RALGAPB: variants seen among roughly 807,000 people sequenced by gnomAD.
The protein encoded by RALGAPB is Ral GTPase activating protein non-catalytic subunit beta.
In RALGAPB, 25 loss-of-function variants were observed where a neutral mutation model predicts 161.1. The observed-to-expected ratio is 0.16, with a 90% CI of 0.11 to 0.22. The LOEUF is 0.22. Ranked by LOEUF, RALGAPB falls within the 10% of genes least tolerant of loss-of-function variation. The pLI, the probability that RALGAPB is intolerant of heterozygous loss-of-function variation, is 1.00. For synonymous variants in RALGAPB, 629 were observed against 626.1 expected (o/e 1.00, Z -0.07); for missense variants, 1,391 against 1,815.2 (o/e 0.77, Z 4.25).
At chr20:38,508,844 A>G (rs966846985) in intron 5 of RALGAPB, among the ~76,000 whole-genome samples, 7 of 152,198 alleles carry the variant, frequency 4.6e-5, no homozygotes, top group African/African-American at 1.4e-4. Context: ...TGATATATAT[A>G]TAAAAAATGT....
intron 6 of RALGAPB, among the ~76,000 whole-genome samples, chr20:38,513,483 G>GT (rs1359005600): frequency 6.6e-6 from 1 of 150,538 alleles, no homozygotes; most frequent in African/African-American, 2.4e-5. Flanking sequence ...GTGGGGGGTG[G>GT]GGGGGAAGCA....
Position 38,541,016 on chromosome 20 carries a change from A to G in RALGAPB, c.2563-25A>G, listed in dbSNP as rs774827555. 2.7e-5 allele frequency: 43 copies of G among 1,608,518 alleles called. 1 individual carries two copies. The South Asian group carries it at 4.4e-4, about 17-fold the overall frequency. ...CTCATGAGAAAGGTGTGTTCTAAAA[A>G]TTGATCTGCCTTTCCTGCTTTTAGG... On this transcript the variant is annotated intron_variant, in intron 17 of 29. Coordinates refer to ENST00000262879, the MANE Select transcript of RALGAPB (RefSeq NM_020336.4).
chr20:38,504,192 G>T (rs2122985883), intron 5 of RALGAPB, among the ~76,000 whole-genome samples: 1 of 152,254 alleles, frequency 6.6e-6, no homozygotes, highest in Non-Finnish European at 1.5e-5. Context: ...ATACTAGAGG[G>T]CTACAGTCAC....
At chr20:38,543,468 C>A (rs376166204) in intron 18 of RALGAPB, among the ~76,000 whole-genome samples, 9 of 152,300 alleles carry the variant, frequency 5.9e-5, no homozygotes, top group African/African-American at 2.2e-4. Flanking sequence ...CCTTCTTGTT[C>A]ATTTTGTATT....
Position 38,576,296 on chromosome 20 carries a change from AG to A in RALGAPB, c.*1333del, listed in dbSNP as rs1395604673. ...AAAGAGGAATGATCACAGTTGTATAAGGGGTGTTTTCCCACTTGAACTCTGA... is the reference window on the plus strand; with the variant it reads ...AAAGAGGAATGATCACAGTTGTATAAGGGTGTTTTCCCACTTGAACTCTGA... On this transcript the variant is annotated 3_prime_UTR_variant, in exon 30 of 30. Transcript: ENST00000262879. 3.9e-5 allele frequency: 6 copies of A among 152,686 alleles called. No individual in the cohort carries two copies. The highest frequency in any genetic ancestry group is 1.4e-4 in the African/African-American group (6 of 41,474). The allele number at this position is 152,686 out of a possible 1,614,324, so 9.5% of individuals were successfully genotyped here.
At chr20:38,519,108 T>G (rs1396527024) in intron 9 of RALGAPB, among the ~76,000 whole-genome samples, 1 of 152,212 alleles carries the variant, frequency 6.6e-6, no homozygotes, top group Non-Finnish European at 1.5e-5. Context: ...GGGAATATAA[T>G]TTGAGAATGC....
chr20:38,516,303 T>G lies in RALGAPB; in HGVS notation c.984T>G (p.Leu328=). The G allele has an allele frequency of 1.2e-6, 2 of 1,614,120 alleles. No homozygotes were observed. The highest frequency in any genetic ancestry group is 1.7e-6 in the Non-Finnish European group (2 of 1,179,966). The change falls in exon 7 of 30, where the codon CTT becomes CTG. Residue 328 remains leucine (L), a synonymous_variant. Transcript: ENST00000262879. ...MPQELNQYPC[L]KHLPQIFFRA... is the part of the protein sequence containing the mutation. ...AAGAATTGAATCAGTATCCCTGCCTTAAACATCTGCCTCAAATATTTTTTC... is the reference window on the plus strand; with the variant it reads ...AAGAATTGAATCAGTATCCCTGCCTGAAACATCTGCCTCAAATATTTTTTC...
rs1342572740 is a variant in RALGAPB at position 38,574,871 on chromosome 20, C to T, written c.4389C>T (p.Ile1463=). 1 of 1,613,552 alleles carries T rather than the reference C, an allele frequency of 6.2e-7. No individual in the cohort carries two copies. Among genetic ancestry groups the T allele is most frequent in the Non-Finnish European group, 8.5e-7 (1 of 1,179,580 alleles). ...SPPHVRRKQK[I]TDIVNKYRNK... The stretch of plus-strand genomic sequence containing the variant: ...CCCATGTCCGCCGGAAACAGAAAAT[C>T]ACCGACATTGTCAACAAGTACCGGA... The change falls in exon 30 of 30, where the codon ATC becomes ATT. Residue 1463 remains isoleucine (I), a synonymous_variant. Transcript: ENST00000262879.
intron 1 of RALGAPB, among the ~76,000 whole-genome samples, chr20:38,473,343 G>C (rs1375268803): frequency 6.6e-6 from 1 of 152,194 alleles, no homozygotes. Context: ...GCAACCTGGG[G>C]GAGGGGGCGG....
intron 1 of RALGAPB, among the ~76,000 whole-genome samples, chr20:38,478,685 C>T (rs184430197): frequency 2.0e-5 from 3 of 152,202 alleles, no homozygotes; most frequent in Admixed American, 6.5e-5. Flanking sequence ...GACGCCACCT[C>T]GGCTCACCGC....
chr20:38,492,246 C>T (rs982150216), intron 2 of RALGAPB, among the ~76,000 whole-genome samples: 1 of 152,152 alleles, frequency 6.6e-6, no homozygotes, highest in Non-Finnish European at 1.5e-5. Context: ...TCTACAATTA[C>T]GACTGCCGGC....
At chr20:38,566,956 A>T in intron 25 of RALGAPB, 140 bp from the exon 26 acceptor site, 1 of 1,406,626 alleles carries the variant, frequency 7.1e-7, no homozygotes, top group Non-Finnish European at 9.3e-7. Flanking sequence ...CTTTACAGAA[A>T]AAAGTTTGTC....
chr20:38,480,680 A>G (rs2084940528), intron 1 of RALGAPB, among the ~76,000 whole-genome samples: 1 of 148,148 alleles, frequency 6.8e-6, no homozygotes. Flanking sequence ...GAGCCACCAC[A>G]CTTGGCTCTT....
In RALGAPB at chr20:38,535,181, C is replaced by G. The variant is rs747949621; in HGVS notation, c.2353C>G (p.Leu785Val). 6.2e-7 allele frequency: 1 copy of G among 1,614,220 alleles called. No individual in the cohort carries two copies. Among genetic ancestry groups the G allele is most frequent in the Non-Finnish European group, 8.5e-7 (1 of 1,180,038 alleles). Residue 785 changes from leucine to valine, a missense_variant, in exon 16 of 30, where the codon CTA becomes GTA. This residue lies in a region of RALGAPB where 946 missense variants were observed against 1,257.2 expected (regional missense o/e 0.75). Transcript: ENST00000262879. ...AGACATGAGCATATCACTGGCAGCT[C>G]TAGAGCTCCTCTCTGGCCTTGCAAA... ...RQDMSISLAA[L>V]ELLSGLAKVK... is the part of the protein sequence containing the mutation.
chr20:38,492,663 AAAT>A (rs371497840), intron 2 of RALGAPB, among the ~76,000 whole-genome samples: 28 of 152,330 alleles, frequency 1.8e-4, no homozygotes, highest in Non-Finnish European at 3.8e-4. Context: ...TTCACAGAGC[AAAT>A]AATAATAATA....
intron 2 of RALGAPB, among the ~76,000 whole-genome samples, chr20:38,491,475 A>G (rs1271090960): frequency 6.6e-6 from 1 of 152,104 alleles, no homozygotes; most frequent in Non-Finnish European, 1.5e-5. Context: ...TAGCCATTCT[A>G]CCATCCTCTG....
At chr20:38,488,279 C>T (rs6099912) in intron 1 of RALGAPB, 124 bp from the exon 2 acceptor site, 7,174 of 591,798 alleles carry the variant, frequency 0.012, 414 homozygotes, top group African/African-American at 0.12. Flanking sequence ...GTTTGAAAAA[C>T]ATTGATAGAG....
chr20:38,546,365 G>A lies in RALGAPB; in HGVS notation c.2837G>A (p.Arg946Gln), dbSNP rs769392719. Residue 946 changes from arginine to glutamine, a missense_variant, in exon 19 of 30, where the codon CGG becomes CAG. By Grantham distance (43) the Arg-to-Gln change is conservative. Transcript: ENST00000262879. ...CCAACCATAAACAAGCATAGTTTCC[G>A]GTACTTTGTCTTGGATAACAGTGTC... Reference protein sequence around the residue: ...RLPTINKHSFRYFVLDNSVIL... With the variant: ...RLPTINKHSFQYFVLDNSVIL... The A allele has an allele frequency of 1.2e-5, 20 of 1,614,020 alleles. No individual in the cohort carries two copies. Among genetic ancestry groups the A allele is most frequent in the Middle Eastern group, 1.6e-4 (1 of 6,062 alleles).
At position 38,488,551 on chromosome 20, in the gene RALGAPB, C is replaced by G; in HGVS notation, c.119C>G (p.Pro40Arg). 1 of 1,614,176 alleles carries G rather than the reference C, an allele frequency of 6.2e-7. No individual in the cohort carries two copies. Reference protein sequence around the residue: ...GREVANAVVRPLGQVLGTPSV... With the variant: ...GREVANAVVRRLGQVLGTPSV... The stretch of plus-strand genomic sequence containing the variant: ...GAGGTGGCAAATGCTGTAGTCCGTC[C>G]TCTTGGGCAGGTGTTAGGTACCCCT... Residue 40 changes from proline (P) to arginine (R), a missense_variant, in exon 2 of 30, where the codon CCT (proline) becomes CGT (arginine). Pro to Arg is a moderately radical substitution (Grantham distance 103). Transcript: ENST00000262879.
Sources: gnomAD v4.1 joint callset for allele counts (sites outside exome capture counted in the v4.1 genomes callset) on GRCh38, gnomAD v4.1.1 for gene constraint, gnomAD v4.1.1 regional missense constraint, MANE v1.5 for transcripts, NCBI Gene and HGNC (gene_info 2026-07-23, HGNC 2026-07-21) for gene names.